Variants in RBFOX3 observed in about 807,000 individuals in gnomAD.
RBFOX3 encodes the protein RNA binding fox-1 homolog 3, also known as RNA binding protein fox-1 homolog 3.
RBFOX3 carries 17 observed loss-of-function variants against 48.7 expected under a neutral mutation model. That is an observed-to-expected ratio of 0.35 (90% CI 0.24 to 0.52). The LOEUF (loss-of-function observed/expected upper bound fraction) is 0.52. RBFOX3 is among the 20% of genes least tolerant of loss of function. RBFOX3 has a pLI of 0.94. For missense variants in RBFOX3, 382 were observed against 497.5 expected (o/e 0.77, Z 2.21); for synonymous variants, 212 against 209.5 (o/e 1.01, Z -0.10).
chr17:79,486,586 A>AC (rs1322091248), intron 1 of RBFOX3, among the ~76,000 whole-genome samples: 17 of 152,212 alleles, frequency 1.1e-4, no homozygotes, highest in African/African-American at 4.1e-4. Flanking sequence ...CCTGGACCCT[A>AC]CCCTCCACCT....
chr17:79,572,051 C>T (rs2092696593), intron 1 of RBFOX3, among the ~76,000 whole-genome samples: 2 of 152,156 alleles, frequency 1.3e-5, no homozygotes, highest in South Asian at 2.1e-4. Context: ...CTGGGCATCC[C>T]GAGAGGCGGG....
intron 3 of RBFOX3, among the ~76,000 whole-genome samples, chr17:79,244,116 G>A (rs961439890): frequency 2.6e-5 from 4 of 152,184 alleles, no homozygotes; most frequent in Non-Finnish European, 5.9e-5. Context: ...TTGGAAACAG[G>A]TTCTTTGCAA....
chr17:79,246,788 C>G (rs2063231702), intron 3 of RBFOX3, among the ~76,000 whole-genome samples: 1 of 152,180 alleles, frequency 6.6e-6, no homozygotes, highest in Admixed American at 6.5e-5. Context: ...AGGACGCGGC[C>G]TCCCAGCAGA....
At position 79,390,520 on chromosome 17, in the gene RBFOX3, C is replaced by T. The variant is rs2061257499; in HGVS notation, c.-174-82696G>A. 6.6e-6 allele frequency among the ~76,000 whole-genome samples: 1 copy of T among 151,350 alleles called. No individual in the cohort carries two copies. Among genetic ancestry groups the T allele is most frequent in the Non-Finnish European group, 1.5e-5 (1 of 67,954 alleles). Reference sequence around the variant, plus strand: ...TAGATGGAGTCTCGCTCTTGTCGCCCAGGCTGGAGTGCAGTGGCACAATCT... The same window carrying T: ...TAGATGGAGTCTCGCTCTTGTCGCCTAGGCTGGAGTGCAGTGGCACAATCT... On this transcript the variant is annotated intron_variant, in intron 2 of 14. Transcript: ENST00000693108. The surrounding 1 kb of genome is among the most constrained non-coding windows in gnomAD (Gnocchi z 4.2).
intron 3 of RBFOX3, among the ~76,000 whole-genome samples, chr17:79,275,123 CCT>C (rs368963249): frequency 0.02 from 2,556 of 130,138 alleles, 49 homozygotes; most frequent in African/African-American, 0.049. Context: ...TCCATGTCTC[CCT>C]CTCTCTCTCT....
intron 4 of RBFOX3, among the ~76,000 whole-genome samples, chr17:79,150,263 G>T (rs546868359): frequency 6.6e-6 from 1 of 151,992 alleles, no homozygotes; most frequent in Admixed American, 6.6e-5. Context: ...AAAGCCTCGT[G>T]GGGGGTCCTG....
At chr17:79,402,975 A>G (rs1254048515) in intron 2 of RBFOX3, among the ~76,000 whole-genome samples, 4 of 152,160 alleles carry the variant, frequency 2.6e-5, no homozygotes, top group African/African-American at 9.7e-5. Flanking sequence ...CAGGATCGCC[A>G]TCAGATCATG....
chr17:79,370,588 C>G (rs950399834), intron 2 of RBFOX3, among the ~76,000 whole-genome samples: 1 of 151,750 alleles, frequency 6.6e-6, no homozygotes, highest in Non-Finnish European at 1.5e-5. Context: ...GGCACACACA[C>G]GTACACGTCT....
At chr17:79,485,265 G>A (rs1193201762) in intron 1 of RBFOX3, among the ~76,000 whole-genome samples, 8 of 152,166 alleles carry the variant, frequency 5.3e-5, no homozygotes, top group Non-Finnish European at 1.0e-4. Flanking sequence ...AGGAAGGAAT[G>A]GAAACAGAGT....
In RBFOX3 at chr17:79,226,600, TCA is replaced by T. The variant is rs151265108; in HGVS notation, c.-34+9164_-34+9165del. Among the ~76,000 whole-genome samples, 1,091 of 152,284 alleles carry T rather than the reference TCA, an allele frequency of 7.2e-3. 17 individuals carry two copies. The highest frequency in any genetic ancestry group is 0.024 in the African/African-American group (1,006 of 41,556). The stretch of plus-strand genomic sequence containing the variant: ...GGAGGAGCCTGGGATGTGGCAAAAC[TCA>T]GACCTGAGCTCAAATTCCAGACCAG... On this transcript the variant is annotated intron_variant, in intron 4 of 14. Transcript: ENST00000693108.
chr17:79,384,148 C>T (rs2060275681), intron 2 of RBFOX3, among the ~76,000 whole-genome samples: 1 of 152,222 alleles, frequency 6.6e-6, no homozygotes, highest in South Asian at 2.1e-4. Context: ...CAGGCAGGTC[C>T]AGGCAGGGGA....
At chr17:79,658,672 C>T in the RBFOX3 span, among the ~76,000 whole-genome samples, 1 of 152,080 alleles carries the variant, frequency 6.6e-6, no homozygotes, top group African/African-American at 2.4e-5. Context: ...TGCCTCCTCC[C>T]CTGAGGCCAG....
At chr17:79,251,818 C>T (rs2064000051) in intron 3 of RBFOX3, among the ~76,000 whole-genome samples, 1 of 152,202 alleles carries the variant, frequency 6.6e-6, no homozygotes, top group Non-Finnish European at 1.5e-5. Context: ...ACACCTGGCA[C>T]CAACCCACCT....
At chr17:79,160,385 G>A (rs1013306645) in intron 4 of RBFOX3, among the ~76,000 whole-genome samples, 1 of 152,232 alleles carries the variant, frequency 6.6e-6, no homozygotes, top group African/African-American at 2.4e-5. Context: ...AAGCTGCAGG[G>A]CAGAGCACGA....
chr17:79,598,743 TGTTGA>T (rs1952987237), intron 1 of RBFOX3: 1 of 152,120 alleles, frequency 6.6e-6, no homozygotes, highest in Non-Finnish European at 1.5e-5. Flanking sequence ...GTTTTTGAGT[TGTTGA>T]GTTGTTATTT....
At chr17:79,566,706 C>A (rs2092467910) in intron 1 of RBFOX3, among the ~76,000 whole-genome samples, 1 of 152,216 alleles carries the variant, frequency 6.6e-6, no homozygotes, top group Non-Finnish European at 1.5e-5. Context: ...TGCCCTCAAC[C>A]CCAGAGGCAG....
At position 79,317,426 on chromosome 17, in the gene RBFOX3, G is replaced by A. The variant is rs773526138; in HGVS notation, c.-174-9602C>T. On this transcript the variant is annotated intron_variant, in intron 2 of 14. Coordinates refer to ENST00000693108, the MANE Select transcript of RBFOX3 (RefSeq NM_001350451.2). ...AGCTGGTGAAGCCCCCACGGGTTCA[G>A]CCTCACCAGGGTTCACCTGTGGGGC... is the stretch of plus-strand genomic sequence containing the variant. Among the ~76,000 whole-genome samples, 6 of 152,356 alleles carry A rather than the reference G, an allele frequency of 3.9e-5. No individual in the cohort carries two copies. In the Middle Eastern group the frequency reaches 0.01, roughly 259 times the overall value.
intron 4 of RBFOX3, among the ~76,000 whole-genome samples, chr17:79,162,770 G>A (rs575997725): frequency 3.3e-5 from 5 of 152,274 alleles, no homozygotes; most frequent in African/African-American, 7.2e-5. Flanking sequence ...GGTCTCCCGC[G>A]GCAGGTGAAG....
chr17:79,414,807 G>A (rs1223142944), intron 2 of RBFOX3, among the ~76,000 whole-genome samples: 1 of 152,232 alleles, frequency 6.6e-6, no homozygotes, highest in African/African-American at 2.4e-5. Flanking sequence ...GAAAAGATGG[G>A]CTTTGTAGCT....
Sources: allele counts gnomAD v4.1 joint callset (sites outside exome capture counted in the v4.1 genomes callset), GRCh38; gene constraint gnomAD v4.1.1; non-coding constraint Gnocchi (gnomAD v3.1); transcripts MANE v1.5; gene names NCBI Gene and HGNC (gene_info 2026-07-23, HGNC 2026-07-21).